Variants in KLF13 observed in about 807,000 individuals in gnomAD.
The protein encoded by KLF13 is KLF transcription factor 13.
Under a neutral mutation model 16.7 loss-of-function variants are expected in KLF13, and 8 were observed. The ratio of observed to expected loss-of-function variants is 0.48; its 90% CI spans 0.28 to 0.87. KLF13 has a LOEUF of 0.87. KLF13 is among the 40% of genes least tolerant of loss of function. The pLI is 0.10. For missense variants in KLF13, 447 were observed against 452.2 expected, an observed-to-expected ratio of 0.99 and a Z score of 0.10; for synonymous variants, 245 against 208.4, an observed-to-expected ratio of 1.18 and a Z score of -1.51.
At position 31,372,451 on chromosome 15, in the gene KLF13, CAAA is replaced by C; in HGVS notation, c.*158_*160del. The C allele has an allele frequency of 1.2e-6, 1 of 863,936 alleles. No individual in the cohort carries two copies. The highest frequency in any genetic ancestry group is 2.7e-5 in the South Asian group (1 of 36,752). The allele number at this position is 863,936 out of a possible 1,614,324, so 53.5% of individuals were successfully genotyped here. On this transcript the variant is annotated 3_prime_UTR_variant, in exon 2 of 2. Coordinates refer to ENST00000307145, the MANE Select transcript of KLF13 (RefSeq NM_015995.4). ...TGTCAAAGTAAATTTGTTAAAAAAA[CAAA>C]AAAAACACAAAAATTTCAAAAAACA...
chr15:31,391,344 C>T (rs1332377575), upstream of KLF13, among the ~76,000 whole-genome samples: 13 of 66,092 alleles, frequency 2.0e-4, no homozygotes, highest in Admixed American at 2.3e-3. Flanking sequence ...TGGGGCTGTG[C>T]GGGGCTGAGT....
At chr15:31,342,477 C>G (rs1452986484) in intron 1 of KLF13, among the ~76,000 whole-genome samples, 4 of 152,198 alleles carry the variant, frequency 2.6e-5, no homozygotes, top group Non-Finnish European at 4.4e-5. Flanking sequence ...CTGTTTGCAG[C>G]AAAACTTGCC....
intron 1 of KLF13, among the ~76,000 whole-genome samples, chr15:31,425,441 G>T (rs2040389524): frequency 6.6e-6 from 1 of 152,156 alleles, no homozygotes; most frequent in South Asian, 2.1e-4. Flanking sequence ...TAGACCAATA[G>T]AATATAAGAG....
At chr15:31,351,908 G>T (rs931043081) in intron 1 of KLF13, among the ~76,000 whole-genome samples, 5 of 152,088 alleles carry the variant, frequency 3.3e-5, no homozygotes, top group African/African-American at 1.2e-4. Context: ...AGCTACTGAG[G>T]AGGCTGAGGC....
At chr15:31,360,763 C>G (rs1422106317) in intron 1 of KLF13, among the ~76,000 whole-genome samples, 8 of 152,206 alleles carry the variant, frequency 5.3e-5, no homozygotes, top group Non-Finnish European at 1.2e-4. Flanking sequence ...TTAGGCCCGT[C>G]GTCCAAATTA....
intron 1 of KLF13, among the ~76,000 whole-genome samples, chr15:31,429,188 A>G (rs2040438013): frequency 6.6e-6 from 1 of 152,214 alleles, no homozygotes; most frequent in Admixed American, 6.5e-5. Context: ...CAGGGAAAGG[A>G]CAGCGTTTTC....
intron 1 of KLF13, among the ~76,000 whole-genome samples, chr15:31,328,220 C>T (rs891031603): frequency 2.0e-5 from 3 of 151,026 alleles, no homozygotes; most frequent in Admixed American, 6.6e-5. Flanking sequence ...TCCTCGTTTC[C>T]TCCCCCGCTG....
chr15:31,433,275 T>C (rs2040494097), intron 1 of KLF13, among the ~76,000 whole-genome samples: 1 of 152,110 alleles, frequency 6.6e-6, no homozygotes, highest in African/African-American at 2.4e-5. Context: ...CCCTGGGAGC[T>C]CCAGCTGCTG....
At chr15:31,368,092 T>C (rs1035634165) in intron 1 of KLF13, among the ~76,000 whole-genome samples, 2 of 148,202 alleles carry the variant, frequency 1.3e-5, no homozygotes, top group Non-Finnish European at 3.0e-5. Flanking sequence ...ACTTGGGAGC[T>C]CATCTCCAGA....
intron 1 of KLF13, among the ~76,000 whole-genome samples, chr15:31,344,946 C>T (rs1446633229): frequency 6.6e-6 from 1 of 152,182 alleles, no homozygotes; most frequent in Non-Finnish European, 1.5e-5. Context: ...CCAGGACAGC[C>T]AGTCTAGGTG....
At chr15:31,349,103 G>A (rs979526412) in intron 1 of KLF13, among the ~76,000 whole-genome samples, 2 of 152,160 alleles carry the variant, frequency 1.3e-5, no homozygotes, top group Admixed American at 6.5e-5. Context: ...AGTGCCCAGC[G>A]TTCTTGCCTA....
downstream of KLF13, among the ~76,000 whole-genome samples, chr15:31,405,631 C>T (rs1263454104): frequency 6.6e-6 from 1 of 152,120 alleles, no homozygotes; most frequent in African/African-American, 2.4e-5. Context: ...GTAGTTTGGT[C>T]TTTTTGTAAA....
downstream of KLF13, among the ~76,000 whole-genome samples, chr15:31,405,945 C>G (rs573946111): frequency 1.6e-4 from 25 of 152,236 alleles, no homozygotes; most frequent in South Asian, 3.9e-3. Flanking sequence ...ATTAACATCT[C>G]AAGAGATGTT....
intron 1 of KLF13, among the ~76,000 whole-genome samples, chr15:31,427,094 C>T (rs2040409021): frequency 6.6e-6 from 1 of 152,168 alleles, no homozygotes; most frequent in African/African-American, 2.4e-5. Flanking sequence ...ACCCTATTGG[C>T]TTTCAGGAGT....
chr15:31,339,471 C>G (rs901472309), intron 1 of KLF13, among the ~76,000 whole-genome samples: 4 of 152,218 alleles, frequency 2.6e-5, no homozygotes, highest in Non-Finnish European at 5.9e-5. Flanking sequence ...TGGGAGAGCA[C>G]TGGCCACGAT....
Position 31,396,089 on chromosome 15 carries a change from G to A in KLF13, n.529+2398G>A, listed in dbSNP as rs574242509. Among the ~76,000 whole-genome samples, 30 of 152,260 alleles carry A rather than the reference G, an allele frequency of 2.0e-4. No homozygotes were observed. In the South Asian group the frequency reaches 5.6e-3, roughly 28 times the overall value. On this transcript the variant is annotated intron_variant and non_coding_transcript_variant, in intron 2 of 2. Transcript: ENST00000500533. ...TTCCCATGCTGGAGTGCAATGGCGCGATCTTGGCTCAATGCAACCTCCGTC... is the reference window on the plus strand; with the variant it reads ...TTCCCATGCTGGAGTGCAATGGCGCAATCTTGGCTCAATGCAACCTCCGTC...
chr15:31,416,669 T>A (rs920435588), intron 1 of KLF13, among the ~76,000 whole-genome samples: 2 of 152,114 alleles, frequency 1.3e-5, no homozygotes, highest in Admixed American at 6.6e-5. Context: ...CCATATCAAA[T>A]ATCATACTTA....
intron 1 of KLF13, among the ~76,000 whole-genome samples, chr15:31,347,017 C>G (rs2039133418): frequency 6.6e-6 from 1 of 152,190 alleles, no homozygotes; most frequent in East Asian, 1.9e-4. Context: ...TACCTGCTGG[C>G]TCTCATCGGG....
At chr15:31,383,832 G>A (rs1346169550) in intron 1 of KLF13, among the ~76,000 whole-genome samples, 1 of 152,172 alleles carries the variant, frequency 6.6e-6, no homozygotes, top group Non-Finnish European at 1.5e-5. Context: ...AACCTGGGAG[G>A]CAGAGCTTGC....
Sources: allele counts gnomAD v4.1 joint callset (sites outside exome capture counted in the v4.1 genomes callset), GRCh38; gene constraint gnomAD v4.1.1; transcripts MANE v1.5; gene names NCBI Gene and HGNC (gene_info 2026-07-23, HGNC 2026-07-21).